MGAT4C: variants seen among roughly 807,000 people sequenced by gnomAD.
MGAT4C encodes MGAT4 family member C.
MGAT4C carries 19 observed loss-of-function variants against 40.1 expected under a neutral mutation model. The ratio of observed to expected loss-of-function variants is 0.47; its 90% confidence interval spans 0.33 to 0.70. The LOEUF (loss-of-function observed/expected upper bound fraction) is 0.70. Among genes scored for constraint, MGAT4C ranks in the 30% least tolerant of loss-of-function variants. The probability of loss-of-function intolerance (pLI) is 0.02; values close to 1 mark genes in which losing one functional copy is unlikely to be tolerated. For synonymous variants in MGAT4C, 181 were observed against 187.1 expected (o/e 0.97, Z 0.27); for missense variants, 491 against 563.2 (o/e 0.87, Z 1.30).
intron 2 of MGAT4C, among the ~76,000 whole-genome samples, chr12:86,675,415 T>C (rs1281662992): frequency 6.6e-6 from 1 of 152,210 alleles, no homozygotes; most frequent in African/African-American, 2.4e-5. Context: ...CTGTCATGTC[T>C]GTGATCATCC....
intron 2 of MGAT4C, among the ~76,000 whole-genome samples, chr12:85,996,710 T>C (rs1886660563): frequency 6.6e-6 from 1 of 151,644 alleles, no homozygotes; most frequent in Admixed American, 6.6e-5. Context: ...GAAGCATAAA[T>C]GTACATGCAA....
rs75246945 is a variant in MGAT4C, at chr12:86,248,981, C to A, written c.-57+7258G>T. ...CATGCCACTTGAGAAAATTTTACAC[C>A]AAGAAAAGAATGACACAATGCTTAT... is the stretch of plus-strand genomic sequence containing the variant. On this transcript the variant is annotated intron_variant, in intron 1 of 4. Coordinates refer to ENST00000611864, the MANE Select transcript of MGAT4C (RefSeq NM_001351288.2). 7.5e-4 allele frequency among the ~76,000 whole-genome samples: 114 copies of A among 151,974 alleles called. 1 individual carries two copies. In the East Asian group the frequency reaches 0.018, roughly 24 times the overall value.
intron 1 of MGAT4C, among the ~76,000 whole-genome samples, chr12:86,111,612 T>G (rs975432126): frequency 6.6e-6 from 1 of 151,830 alleles, no homozygotes; most frequent in African/African-American, 2.4e-5. Context: ...CTTGATTCCC[T>G]TGATTAGTGA....
chr12:86,587,052 C>G (rs917494832), intron 2 of MGAT4C, among the ~76,000 whole-genome samples: 2 of 151,916 alleles, frequency 1.3e-5, no homozygotes, highest in African/African-American at 4.8e-5. Flanking sequence ...AATGGTATTG[C>G]CTAGGTTTTC....
At chr12:86,257,744 T>G (rs1170240155), upstream of MGAT4C, among the ~76,000 whole-genome samples, 4 of 152,204 alleles carry the variant, frequency 2.6e-5, no homozygotes, top group East Asian at 7.7e-4. Context: ...AAGTTCTGAC[T>G]TTTATGATAG....
Position 86,721,294 on chromosome 12 carries a change from T to C in MGAT4C, c.-229+5915A>G, listed in dbSNP as rs143820982. Among the ~76,000 whole-genome samples the C allele has an allele frequency of 5.4e-4, 82 of 152,146 alleles. No homozygotes were observed. The East Asian group carries it at 8.5e-3, about 16-fold the overall frequency. Reference sequence around the variant, plus strand: ...AATGACCTTGCAGGACCTGAAGATTTTAGTCAAGGCTTGGGTGCATTACGT... The same window carrying C: ...AATGACCTTGCAGGACCTGAAGATTCTAGTCAAGGCTTGGGTGCATTACGT... On this transcript the variant is annotated intron_variant, in intron 2 of 7. Transcript: ENST00000548651.
At chr12:86,707,000 T>C (rs542407812) in intron 2 of MGAT4C, among the ~76,000 whole-genome samples, 9 of 152,298 alleles carry the variant, frequency 5.9e-5, no homozygotes, top group Non-Finnish European at 1.0e-4. Context: ...CTGCCATCCA[T>C]GTAAGATGTG....
chr12:86,051,568 G>A (rs1892894113), intron 1 of MGAT4C, among the ~76,000 whole-genome samples: 1 of 151,500 alleles, frequency 6.6e-6, no homozygotes, highest in Admixed American at 6.6e-5. Flanking sequence ...ATTTCATCTG[G>A]TTAAATTAAA....
chr12:86,283,993 T>C (rs553322266), intron 4 of MGAT4C, among the ~76,000 whole-genome samples: 4 of 152,240 alleles, frequency 2.6e-5, no homozygotes, highest in African/African-American at 9.6e-5. Context: ...CAGGACTTTA[T>C]ATAGCTGAAT....
chr12:86,462,454 C>T (rs545848951), intron 2 of MGAT4C, among the ~76,000 whole-genome samples: 17 of 152,186 alleles, frequency 1.1e-4, no homozygotes, highest in African/African-American at 2.6e-4. Flanking sequence ...ACACATGGAA[C>T]GTTTGAAACA....
rs1883711850 is a variant in MGAT4C at position 85,973,150 on chromosome 12, C to T, written c.*6139G>A. 6.6e-6 allele frequency: 1 copy of T among 150,626 alleles called. No homozygotes were observed. Among genetic ancestry groups the T allele is most frequent in the Non-Finnish European group, 1.5e-5 (1 of 66,986 alleles). The allele number at this position is 150,626 out of a possible 1,614,324, so 9.3% of individuals were successfully genotyped here. On this transcript the variant is annotated 3_prime_UTR_variant, in exon 5 of 5. Coordinates refer to ENST00000611864, the MANE Select transcript of MGAT4C (RefSeq NM_001351288.2). Reference sequence around the variant, plus strand: ...ATATCTCTGTGCCATACTTTTGGTACCTTCATAATAAACGGTAAAGTGAGG... The same window carrying T: ...ATATCTCTGTGCCATACTTTTGGTATCTTCATAATAAACGGTAAAGTGAGG...
intron 1 of MGAT4C, among the ~76,000 whole-genome samples, chr12:86,811,405 C>T (rs1429358261): frequency 5.5e-5 from 8 of 144,428 alleles, no homozygotes; most frequent in African/African-American, 7.6e-5. Context: ...TGTAGTGGCA[C>T]GATCTCGGCT....
intron 1 of MGAT4C, among the ~76,000 whole-genome samples, chr12:86,774,356 C>CTTTT (rs1565981843): frequency 3.8e-4 from 8 of 20,986 alleles, no homozygotes; most frequent in Admixed American, 3.1e-3. Flanking sequence ...TCTCTCTCCC[C>CTTTT]TCTCTCTCTC....
chr12:86,484,404 C>T (rs1957983852), intron 2 of MGAT4C, among the ~76,000 whole-genome samples: 1 of 152,234 alleles, frequency 6.6e-6, no homozygotes, highest in Non-Finnish European at 1.5e-5. Flanking sequence ...TAAGGCCCCT[C>T]CCTGGCTACT....
chr12:86,377,053 G>C (rs1350242027), intron 3 of MGAT4C, among the ~76,000 whole-genome samples: 2 of 148,532 alleles, frequency 1.3e-5, no homozygotes, highest in African/African-American at 4.9e-5. Flanking sequence ...CTGTGGTTAG[G>C]CATTTGCTTT....
At chr12:86,627,912 G>A (rs1962874867) in intron 2 of MGAT4C, among the ~76,000 whole-genome samples, 1 of 151,986 alleles carries the variant, frequency 6.6e-6, no homozygotes, top group Admixed American at 6.6e-5. Flanking sequence ...GTTGACAGAA[G>A]TAGGCTTCAG....
chr12:86,203,013 C>CGTGTGTGTGTGTGT (rs1950104384), intron 1 of MGAT4C, among the ~76,000 whole-genome samples: 1 of 77,000 alleles, frequency 1.3e-5, no homozygotes, highest in Non-Finnish European at 2.6e-5. Context: ...GTCACATTTT[C>CGTGTGTGTGTGTGT]CTGTGTGTGT....
chr12:86,455,460 T>C lies in MGAT4C; in HGVS notation c.-228-20195A>G, dbSNP rs111591430. Among the ~76,000 whole-genome samples the C allele has an allele frequency of 5.7e-3, 874 of 152,200 alleles. 7 individuals carry two copies. The highest frequency in any genetic ancestry group is 0.02 in the African/African-American group (835 of 41,566). ...TCTTTCATTTTATGTTATAGAAAAG[T>C]GGTGCTTTTTAAACTTCTATTTCTG... is the stretch of plus-strand genomic sequence containing the variant. On this transcript the variant is annotated intron_variant, in intron 2 of 7. Coordinates refer to the MGAT4C transcript ENST00000548651.
chr12:86,417,195 TATG>T (rs1956736040), intron 3 of MGAT4C, among the ~76,000 whole-genome samples: 5 of 152,178 alleles, frequency 3.3e-5, no homozygotes, highest in South Asian at 4.1e-4. Context: ...TTATGAGATA[TATG>T]ATAAGAATAT....
Sources: allele counts gnomAD v4.1 joint callset (sites outside exome capture counted in the v4.1 genomes callset), GRCh38; gene constraint gnomAD v4.1.1; transcripts MANE v1.5; gene names NCBI Gene and HGNC (gene_info 2026-07-23, HGNC 2026-07-21).